MAP3K1: variants seen among roughly 807,000 people sequenced by gnomAD.
MAP3K1 encodes the protein MAP/ERK kinase kinase 1.
A neutral mutation model predicts 144.2 loss-of-function variants in MAP3K1; 36 were observed. That is an observed-to-expected ratio of 0.25 (90% confidence interval 0.19 to 0.33). MAP3K1 has a LOEUF of 0.33. Among genes scored for constraint, MAP3K1 ranks in the 10% least tolerant of loss-of-function variants. MAP3K1 has a pLI of 1.00. For missense variants in MAP3K1, 1,650 were observed against 1,881.9 expected, an observed-to-expected ratio of 0.88 and a Z score of 2.28; for synonymous variants, 718 against 688.7, an observed-to-expected ratio of 1.04 and a Z score of -0.67.
In MAP3K1 at chr5:56,893,709, A is replaced by C; in HGVS notation, c.*29A>C. On this transcript the variant is annotated 3_prime_UTR_variant, in exon 20 of 20. Transcript: ENST00000399503. ...ATTATGCAGATCAACTACAGTAGAA[A>C]CAGGATGCTCAACAAGAGAAAAAAA... 1 of 1,612,602 alleles carries C rather than the reference A, an allele frequency of 6.2e-7. No individual in the cohort carries two copies. The highest frequency in any genetic ancestry group is 8.5e-7 in the Non-Finnish European group (1 of 1,179,096).
At chr5:56,820,841 CA>C in intron 1 of MAP3K1, 1 of 973,244 alleles carries the variant, frequency 1.0e-6, no homozygotes, top group Non-Finnish European at 1.2e-6. Flanking sequence ...GAACATGTTT[CA>C]CAATACCGTG....
intron 14 of MAP3K1, 37 bp downstream of exon 14, chr5:56,882,903 T>A (rs764072401): frequency 6.5e-7 from 1 of 1,531,496 alleles, no homozygotes; most frequent in Non-Finnish European, 8.9e-7. Flanking sequence ...GAAAACTTCC[T>A]TGGGGCTGGG....
intron 1 of MAP3K1, among the ~76,000 whole-genome samples, chr5:56,853,890 C>CTAAGCCCGG (rs1343869459): frequency 6.6e-6 from 1 of 151,866 alleles, no homozygotes; most frequent in Non-Finnish European, 1.5e-5. Context: ...GGATTTTAGT[C>CTAAGCCCGG]TAAGCCCGGG....
intron 1 of MAP3K1, among the ~76,000 whole-genome samples, chr5:56,817,794 T>A (rs1356661292): frequency 6.6e-6 from 1 of 152,214 alleles, no homozygotes; most frequent in Admixed American, 6.5e-5. Flanking sequence ...ACGTCAGCAT[T>A]CTAGTACTCT....
chr5:56,882,287 C>T lies in MAP3K1; in HGVS notation c.3087C>T (p.Phe1029=), dbSNP rs146112116. Residue 1029 remains phenylalanine (F), a synonymous_variant, in exon 14 of 20, where the codon TTC becomes TTT. Coordinates refer to ENST00000399503, the MANE Select transcript of MAP3K1 (RefSeq NM_005921.2). ...CACAGCGCAAGTTTTCTCTACAATT[C>T]CACAGAAACTGTCCTGAAAACAAAG... is the stretch of plus-strand genomic sequence containing the variant. ...PQTQRKFSLQ[F]HRNCPENKDS... 1,066 of 1,614,102 alleles carry T rather than the reference C, an allele frequency of 6.6e-4. 8 individuals are homozygous for T. The African/African-American group carries it at 0.013, about 19-fold the overall frequency.
intron 3 of MAP3K1, among the ~76,000 whole-genome samples, chr5:56,860,856 AAAAAAAAG>A (rs150755620): frequency 0.066 from 9,971 of 151,920 alleles, 317 homozygotes; most frequent in East Asian, 0.12. Flanking sequence ...TCCATCTCAA[AAAAAAAAG>A]AAAAAAAGAA....
At chr5:56,818,154 A>T (rs1746038201) in intron 1 of MAP3K1, among the ~76,000 whole-genome samples, 1 of 152,156 alleles carries the variant, frequency 6.6e-6, no homozygotes, top group Admixed American at 6.5e-5. Context: ...AAATATAGTG[A>T]ATTTTTTTTT....
At chr5:56,884,326 T>C (rs1001876500) in intron 15 of MAP3K1, among the ~76,000 whole-genome samples, 1 of 152,198 alleles carries the variant, frequency 6.6e-6, no homozygotes, top group Admixed American at 6.5e-5. Flanking sequence ...CTTTTTATTA[T>C]AACGAGCATA....
intron 1 of MAP3K1, among the ~76,000 whole-genome samples, chr5:56,832,788 G>T (rs1041726807): frequency 6.6e-6 from 1 of 152,212 alleles, no homozygotes; most frequent in Non-Finnish European, 1.5e-5. Context: ...AAAATCATAT[G>T]TAGTGATGAC....
intron 1 of MAP3K1, among the ~76,000 whole-genome samples, chr5:56,818,203 A>G (rs1167406342): frequency 6.6e-6 from 1 of 152,150 alleles, no homozygotes; most frequent in Non-Finnish European, 1.5e-5. Context: ...ATCTGTTCGT[A>G]TAAAACTTTG....
chr5:56,884,947 C>T, intron 16 of MAP3K1, 121 bp downstream of exon 16: 1 of 829,174 alleles, frequency 1.2e-6, no homozygotes, highest in South Asian at 1.6e-5. Context: ...AAAAACAAAT[C>T]ACCCCAATAT....
At chr5:56,854,339 A>G (rs1371813573) in intron 1 of MAP3K1, among the ~76,000 whole-genome samples, 1 of 148,638 alleles carries the variant, frequency 6.7e-6, no homozygotes, top group Non-Finnish European at 1.5e-5. Context: ...AGGCTGAGGC[A>G]GGAGAATCAC....
At chr5:56,847,307 A>G (rs1324794657) in intron 1 of MAP3K1, among the ~76,000 whole-genome samples, 1 of 152,230 alleles carries the variant, frequency 6.6e-6, no homozygotes, top group African/African-American at 2.4e-5. Flanking sequence ...TAAAAGTAAA[A>G]AAGACTTGGT....
At chr5:56,849,357 A>T (rs1192102659) in intron 1 of MAP3K1, among the ~76,000 whole-genome samples, 10 of 151,492 alleles carry the variant, frequency 6.6e-5, no homozygotes, top group Non-Finnish European at 7.4e-5. Flanking sequence ...TGTCTTTAAA[A>T]AAAAAAAAAA....
chr5:56,872,605 A>G, intron 7 of MAP3K1, 36 bp from the exon 8 acceptor site: 1 of 1,176,220 alleles, frequency 8.5e-7, no homozygotes, highest in South Asian at 1.2e-5. Context: ...TTAAACATTT[A>G]CATTTTTGTA....
chr5:56,823,729 G>A (rs1463867324), intron 1 of MAP3K1, among the ~76,000 whole-genome samples: 1 of 152,184 alleles, frequency 6.6e-6, no homozygotes, highest in Non-Finnish European at 1.5e-5. Flanking sequence ...TCATTCAGAG[G>A]TACCTGGACT....
At chr5:56,891,713 A>G (rs952909572) in intron 19 of MAP3K1, among the ~76,000 whole-genome samples, 6 of 152,120 alleles carry the variant, frequency 3.9e-5, no homozygotes, top group African/African-American at 1.4e-4. Flanking sequence ...ATTTTTTTAT[A>G]AGGTGTAAGG....
chr5:56,817,208 A>G (rs1746004903), intron 1 of MAP3K1: 1 of 511,882 alleles, frequency 2.0e-6, no homozygotes, highest in Admixed American at 6.4e-5. Context: ...TGACAGCTAC[A>G]TCCTTGTTTG....
chr5:56,835,118 G>A (rs1746608040), intron 1 of MAP3K1, among the ~76,000 whole-genome samples: 1 of 152,154 alleles, frequency 6.6e-6, no homozygotes, highest in Non-Finnish European at 1.5e-5. Flanking sequence ...TGATAGTTCT[G>A]TTGGCAATCT....
Sources: allele counts gnomAD v4.1 joint callset (sites outside exome capture counted in the v4.1 genomes callset), GRCh38; gene constraint gnomAD v4.1.1; transcripts MANE v1.5; gene names NCBI Gene and HGNC (gene_info 2026-07-23, HGNC 2026-07-21).